ABCC11: variants seen among roughly 807,000 people sequenced by gnomAD.
ABCC11 encodes ATP-binding cassette sub-family C member 11.
In ABCC11, 135 loss-of-function variants were observed where a neutral mutation model predicts 149.3. The observed-to-expected ratio is 0.90, with a 90% confidence interval of 0.79 to 1.04. The LOEUF (loss-of-function observed/expected upper bound fraction) is 1.04. ABCC11 is among the 50% of genes least tolerant of loss of function. ABCC11 has a pLI of 0.00. For missense variants in ABCC11, 1,680 were observed against 1,722.1 expected, an observed-to-expected ratio of 0.98 and a Z score of 0.43; for synonymous variants, 665 against 671.4, an observed-to-expected ratio of 0.99 and a Z score of 0.15.
chr16:48,180,429 G>C (rs74016304), intron 23 of ABCC11, among the ~76,000 whole-genome samples: 1,926 of 152,270 alleles, frequency 0.013, 42 homozygotes, highest in African/African-American at 0.044. Context: ...AACGATCAAG[G>C]GTTCATGCTA....
intron 23 of ABCC11, 101 bp downstream of exon 23, chr16:48,184,339 A>G: frequency 7.2e-7 from 1 of 1,393,378 alleles, no homozygotes; most frequent in African/African-American, 1.4e-5. Context: ...CCAGAGCCTA[A>G]GGTGTCATTG....
At chr16:48,182,541 A>G (rs1380256031) in intron 23 of ABCC11, among the ~76,000 whole-genome samples, 3 of 152,138 alleles carry the variant, frequency 2.0e-5, no homozygotes, top group African/African-American at 7.2e-5. Context: ...GCACTTTGAG[A>G]GGCCAAAGTG....
chr16:48,218,828 G>A (rs557810772), intron 6 of ABCC11, among the ~76,000 whole-genome samples: 4 of 152,254 alleles, frequency 2.6e-5, no homozygotes, highest in South Asian at 2.1e-4. Context: ...AGTCCACTAA[G>A]CCTCTTTTCC....
intron 12 of ABCC11, among the ~76,000 whole-genome samples, chr16:48,208,206 G>A (rs1001667770): frequency 3.3e-5 from 5 of 152,158 alleles, no homozygotes; most frequent in Non-Finnish European, 7.4e-5. Flanking sequence ...ATAAGAGGCA[G>A]CTTGCACCAG....
chr16:48,196,082 A>G, intron 18 of ABCC11, 150 bp downstream of exon 18: 1 of 634,794 alleles, frequency 1.6e-6, no homozygotes, highest in East Asian at 2.8e-5. Context: ...GCTATAACTG[A>G]GTAGAGTTTG....
At chr16:48,196,123 G>T in intron 18 of ABCC11, 109 bp downstream of exon 18, 1 of 1,077,188 alleles carries the variant, frequency 9.3e-7, no homozygotes, top group Admixed American at 2.3e-5. Context: ...AAATACCATG[G>T]CTCCTCTGGA....
intron 23 of ABCC11, among the ~76,000 whole-genome samples, chr16:48,181,128 A>T (rs1405950930): frequency 1.3e-5 from 2 of 152,154 alleles, no homozygotes; most frequent in East Asian, 1.9e-4. Flanking sequence ...TGCCCTCCTG[A>T]TCTATGTCCT....
chr16:48,199,485 C>A (rs1967740796), intron 15 of ABCC11, among the ~76,000 whole-genome samples: 1 of 151,684 alleles, frequency 6.6e-6, no homozygotes, highest in African/African-American at 2.4e-5. Context: ...GGCACTGTGG[C>A]CAATGCCATA....
intron 15 of ABCC11, 127 bp from the exon 16 acceptor site, chr16:48,198,402 A>G: frequency 9.3e-7 from 1 of 1,079,724 alleles, no homozygotes; most frequent in South Asian, 1.6e-5. Context: ...ATGAGCAAAC[A>G]TTCAAAAGTT....
chr16:48,175,575 C>G (rs987617183), intron 25 of ABCC11, among the ~76,000 whole-genome samples, 158 bp from the exon 26 acceptor site: 1 of 152,196 alleles, frequency 6.6e-6, no homozygotes, highest in Non-Finnish European at 1.5e-5. Flanking sequence ...CGTCCCTGCT[C>G]CAGGTGATAC....
chr16:48,220,735 A>C (rs1969679436), intron 6 of ABCC11, among the ~76,000 whole-genome samples: 1 of 152,238 alleles, frequency 6.6e-6, no homozygotes, highest in Non-Finnish European at 1.5e-5. Context: ...TAATGATTCC[A>C]ATAAATACCT....
At chr16:48,225,598 C>T (rs763364588) in intron 4 of ABCC11, among the ~76,000 whole-genome samples, 1 of 152,088 alleles carries the variant, frequency 6.6e-6, no homozygotes, top group Non-Finnish European at 1.5e-5. Context: ...AGAATTCCAG[C>T]CGTTTGGCAA....
At chr16:48,182,742 C>T (rs1304070696) in intron 23 of ABCC11, among the ~76,000 whole-genome samples, 1 of 148,886 alleles carries the variant, frequency 6.7e-6, no homozygotes, top group African/African-American at 2.5e-5. Flanking sequence ...GAGATCGCAT[C>T]ACTGCACTCC....
Position 48,184,423 on chromosome 16 carries a change from C to T in ABCC11, c.3258+17G>A. 1 of 1,610,722 alleles carries T rather than the reference C, an allele frequency of 6.2e-7. No homozygotes were observed. The highest frequency in any genetic ancestry group is 8.5e-7 in the Non-Finnish European group (1 of 1,178,164). On this transcript the variant is annotated intron_variant, in intron 23 of 29. Coordinates refer to ENST00000356608, the MANE Select transcript of ABCC11 (RefSeq NM_001370497.1). Reference sequence around the variant, plus strand: ...GAGCAAAGCTCAGAGAGGGCCCACACAGAGTCACCCCCTCACCTGCAGCAC... The same window carrying T: ...GAGCAAAGCTCAGAGAGGGCCCACATAGAGTCACCCCCTCACCTGCAGCAC...
intron 2 of ABCC11, 94 bp downstream of exon 2, chr16:48,231,729 G>T: frequency 2.0e-6 from 3 of 1,493,842 alleles, no homozygotes; most frequent in Admixed American, 2.1e-5. Flanking sequence ...GGGTAAATAA[G>T]TATGGGAAGA....
chr16:48,231,867 G>A lies in ABCC11; in HGVS notation c.55C>T (p.Arg19Cys), dbSNP rs759367431. 24 of 1,614,038 alleles carry A rather than the reference G, an allele frequency of 1.5e-5. No homozygotes were observed. Among genetic ancestry groups the A allele is most frequent in the Middle Eastern group, 3.3e-4 (2 of 6,084 alleles). The change falls in exon 2 of 30, where the codon CGT becomes TGT. Residue 19 changes from arginine to cysteine, a missense_variant. By Grantham distance (180) the Arg-to-Cys change is radical (BLOSUM62 -3). Coordinates refer to ENST00000356608, the MANE Select transcript of ABCC11 (RefSeq NM_001370497.1). ...VPNSSGGLVN[R>C]GIDIGDDMVS... ...ATGTCATCGCCTATGTCGATGCCACGATTCACGAGGCCACCAGAAGAGTTG... is the reference window on the plus strand; with the variant it reads ...ATGTCATCGCCTATGTCGATGCCACAATTCACGAGGCCACCAGAAGAGTTG...
At position 48,192,659 on chromosome 16, in the gene ABCC11, T is replaced by C. The variant is rs780558448; in HGVS notation, c.2567A>G (p.Asn856Ser). The change falls in exon 20 of 30, where the codon AAT (asparagine) becomes AGT (serine). Residue 856 changes from asparagine (N) to serine (S), a missense_variant. Coordinates refer to ENST00000356608, the MANE Select transcript of ABCC11 (RefSeq NM_001370497.1). ...CAGCTGGTAGAAGGACAGTTGAGGATTGTCTGCAATGTTGCCCAGGTCTGC... is the reference window on the plus strand; with the variant it reads ...CAGCTGGTAGAAGGACAGTTGAGGACTGTCTGCAATGTTGCCCAGGTCTGC... The part of the protein sequence containing the change: ...TMADLGNIAD[N>S]PQLSFYQLVY... 5.6e-6 allele frequency: 9 copies of C among 1,614,104 alleles called. No homozygotes were observed. The Admixed American group carries it at 1.5e-4, about 27-fold the overall frequency.
In ABCC11 at chr16:48,198,142, G is replaced by A. The variant is rs150250426; in HGVS notation, c.2216C>T (p.Ser739Leu). 77 of 1,614,066 alleles carry A rather than the reference G, an allele frequency of 4.8e-5. No individual in the cohort carries two copies. Among genetic ancestry groups the A allele is most frequent in the Admixed American group, 1.2e-4 (7 of 59,996 alleles). The change falls in exon 16 of 30, where the codon TCG becomes TTG. Residue 739 changes from serine to leucine, a missense_variant and splice_region_variant. Physicochemically the swap from Ser to Leu is moderately radical, Grantham distance 145. Transcript: ENST00000356608. ...TGAGGGCAGTGGGGCAGGACTCACC[G>A]AAGTGGCTTCCTTGTGCATCTTCTG... ...LIQKMHKEAT[S>L]DMLQDTAKIA...
chr16:48,215,860 A>G (rs547823205), intron 7 of ABCC11, among the ~76,000 whole-genome samples: 1 of 152,336 alleles, frequency 6.6e-6, no homozygotes, highest in African/African-American at 2.4e-5. Flanking sequence ...TCTACAAAGG[A>G]AAGTTGTCGA....
Sources: allele counts gnomAD v4.1 joint callset (sites outside exome capture counted in the v4.1 genomes callset), GRCh38; gene constraint gnomAD v4.1.1; transcripts MANE v1.5; gene names NCBI Gene and HGNC (gene_info 2026-07-23, HGNC 2026-07-21).